Variants in PRKCSH observed in about 807,000 individuals in gnomAD.
The protein encoded by PRKCSH is PRKCSH beta subunit of glucosidase II, also known as glucosidase 2 subunit beta.
A neutral mutation model predicts 79.7 loss-of-function variants in PRKCSH; 42 were observed. The ratio of observed to expected loss-of-function variants is 0.53; its 90% confidence interval spans 0.41 to 0.68. PRKCSH has a LOEUF of 0.68. Among genes scored for constraint, PRKCSH ranks in the 30% least tolerant of loss-of-function variants. The pLI is 0.00. For missense variants in PRKCSH, 686 were observed against 709.0 expected (o/e 0.97, Z 0.37); for synonymous variants, 325 against 288.2 (o/e 1.13, Z -1.29).
At position 11,447,268 on chromosome 19, in the gene PRKCSH, G is replaced by A. The variant is rs930442627; in HGVS notation, c.849+108G>A. Reference sequence around the variant, plus strand: ...TGGCACCTGGCCACCCTGGCCAGCTGGGTGGCCCCAGCACCCCCCACCGAG... The same window carrying A: ...TGGCACCTGGCCACCCTGGCCAGCTAGGTGGCCCCAGCACCCCCCACCGAG... On this transcript the variant is annotated intron_variant, in intron 10 of 17. Transcript: ENST00000677123. The surrounding 1 kb of genome is among the most constrained non-coding windows in gnomAD (Gnocchi z 5.6). The A allele has an allele frequency of 3.7e-5, 52 of 1,419,504 alleles. No homozygotes were observed. The highest frequency in any genetic ancestry group is 4.9e-5 in the Non-Finnish European group (50 of 1,024,960). The allele number at this position is 1,419,504 out of a possible 1,614,324, so 87.9% of individuals were successfully genotyped here.
Position 11,448,480 on chromosome 19 carries a change from G to A in PRKCSH, c.1197-60G>A, listed in dbSNP as rs1203776570. 7.2e-6 allele frequency: 11 copies of A among 1,525,376 alleles called. No individual in the cohort carries two copies. Among genetic ancestry groups the A allele is most frequent in the African/African-American group, 1.4e-5 (1 of 73,028 alleles). The allele number at this position is 1,525,376 out of a possible 1,614,324, so 94.5% of individuals were successfully genotyped here. A position where few individuals can be genotyped will look rare whatever the true frequency, so the allele number is the denominator to read the frequency against. On this transcript the variant is annotated intron_variant, in intron 13 of 17. Transcript: ENST00000677123. This position sits in a 1 kb window ranked among gnomAD's most constrained non-coding sequence, Gnocchi z 4.4. ...TCAGCCAGACCCTCCTGTGTCTGTCGTCCTGGGTCAGGCACTGGCGTCCCC... is the reference window on the plus strand; with the variant it reads ...TCAGCCAGACCCTCCTGTGTCTGTCATCCTGGGTCAGGCACTGGCGTCCCC...
At chr19:11,444,721 G>A (rs758866470) in intron 7 of PRKCSH, among the ~76,000 whole-genome samples, 134 of 152,200 alleles carry the variant, frequency 8.8e-4, no homozygotes, top group Non-Finnish European at 8.4e-4. Flanking sequence ...ACAGAGGCTC[G>A]GTCCCCTTCT....
rs1448184449 is a variant in PRKCSH at position 11,448,224 on chromosome 19, G to T, written c.1129G>T (p.Ala377Ser). The T allele has an allele frequency of 1.3e-6, 2 of 1,557,864 alleles. No homozygotes were observed. Among genetic ancestry groups the T allele is most frequent in the East Asian group, 2.4e-5 (1 of 41,590 alleles). Residue 377 changes from alanine to serine, a missense_variant and splice_region_variant, in exon 13 of 18, where the codon GCC becomes TCC. Coordinates refer to ENST00000677123, the MANE Select transcript of PRKCSH (RefSeq NM_001289104.2). The surrounding 1 kb of genome is among the most constrained non-coding windows in gnomAD (Gnocchi z 4.4). Reference sequence around the variant, plus strand: ...CTGACCTCCAACCCCTCTCCCAGCTGCCCAGGAGGCCCGCAACAAGTTCGA... The same window carrying T: ...CTGACCTCCAACCCCTCTCCCAGCTTCCCAGGAGGCCCGCAACAAGTTCGA... ...DEQTQAFIDA[A>S]QEARNKFEEA...
Position 11,447,855 on chromosome 19 carries a change from C to G in PRKCSH, c.1126+66C>G. The G allele has an allele frequency of 2.7e-6, 4 of 1,467,504 alleles. No individual in the cohort carries two copies. Among genetic ancestry groups the G allele is most frequent in the South Asian group, 1.3e-5 (1 of 75,356 alleles). The allele number at this position is 1,467,504 out of a possible 1,614,324, so 90.9% of individuals were successfully genotyped here. A position where few individuals can be genotyped will look rare whatever the true frequency, so the allele number is the denominator to read the frequency against. On this transcript the variant is annotated intron_variant, in intron 12 of 17. Transcript: ENST00000677123. This position sits in a 1 kb window ranked among gnomAD's most constrained non-coding sequence, Gnocchi z 5.6. The stretch of plus-strand genomic sequence containing the variant: ...CGTTTCCTGCCGTGGTGGCACAGGT[C>G]GAGGGAAGATCCTGAGCTTAGACCC...
In PRKCSH at chr19:11,447,166, TGGA is replaced by T. The variant is rs1362844499; in HGVS notation, c.849+11_849+13del. The T allele has an allele frequency of 6.8e-6, 11 of 1,613,226 alleles. No individual in the cohort carries two copies. Among genetic ancestry groups the T allele is most frequent in the African/African-American group, 5.3e-5 (4 of 74,776 alleles). ...GGGACAAGTACCGGTCCGAGGTCAG[TGGA>T]GGAGAAGGGAGGGGACTTGGTCCTC... On this transcript the variant is annotated splice_region_variant and intron_variant, in intron 10 of 17. Coordinates refer to ENST00000677123, the MANE Select transcript of PRKCSH (RefSeq NM_001289104.2). The surrounding 1 kb of genome is among the most constrained non-coding windows in gnomAD (Gnocchi z 5.6).
At chr19:11,446,668 ATCC>A (rs1326646603) in intron 9 of PRKCSH, among the ~76,000 whole-genome samples, 1 of 125,594 alleles carries the variant, frequency 8.0e-6, no homozygotes, top group African/African-American at 3.1e-5. Context: ...CTCCTTTCCT[ATCC>A]TCCTCCTTCC....
At position 11,449,274 on chromosome 19, in the gene PRKCSH, C is replaced by G. The variant is rs533472516; in HGVS notation, c.1470C>G (p.Leu490=). 5.6e-6 allele frequency: 9 copies of G among 1,613,736 alleles called. No individual in the cohort carries two copies. The highest frequency in any genetic ancestry group is 2.2e-5 in the East Asian group (1 of 44,880). ...QGPNRSTTVR[L]LCGKETMVTS... ...CGTCTGCCCATCCCCAGGTGCGCCT[C>G]CTGTGCGGGAAAGAGACCATGGTGA... The change falls in exon 17 of 18, where the codon CTC becomes CTG. Residue 490 remains leucine (L), a synonymous_variant. Coordinates refer to ENST00000677123, the MANE Select transcript of PRKCSH (RefSeq NM_001289104.2). The surrounding 1 kb of genome is among the most constrained non-coding windows in gnomAD (Gnocchi z 6.4).
chr19:11,448,792 G>A lies in PRKCSH; in HGVS notation c.1287-122G>A. The A allele has an allele frequency of 7.2e-7, 1 of 1,390,202 alleles. No individual in the cohort carries two copies. Among genetic ancestry groups the A allele is most frequent in the Non-Finnish European group, 1.0e-6 (1 of 980,464 alleles). 86.1% of individuals were successfully genotyped at this position (1,390,202 alleles called of 1,614,324 possible). On this transcript the variant is annotated intron_variant, in intron 14 of 17. Transcript: ENST00000677123. This position sits in a 1 kb window ranked among gnomAD's most constrained non-coding sequence, Gnocchi z 4.4. ...GAGCAGAAGCCAGGGGCCAGGTTTAGGGTTGGTCATTGGAGTTGGAGGTAC... is the reference window on the plus strand; with the variant it reads ...GAGCAGAAGCCAGGGGCCAGGTTTAAGGTTGGTCATTGGAGTTGGAGGTAC...
intron 7 of PRKCSH, among the ~76,000 whole-genome samples, chr19:11,444,560 T>G (rs1490609540): frequency 6.6e-6 from 1 of 152,218 alleles, no homozygotes; most frequent in Non-Finnish European, 1.5e-5. Context: ...GCTGTTTTTA[T>G]TCTGTTTGTA....
intron 5 of PRKCSH, among the ~76,000 whole-genome samples, chr19:11,438,532 G>A (rs922676933): frequency 3.9e-5 from 6 of 151,956 alleles, no homozygotes; most frequent in East Asian, 1.9e-4. Context: ...TGAGGCAGGC[G>A]GATCACGAGG....
rs79260859 is a variant in PRKCSH, at chr19:11,449,195, G to T, written c.1461+20G>T. 790 of 1,613,654 alleles carry T rather than the reference G, an allele frequency of 4.9e-4. 22 individuals carry two copies. The East Asian group carries it at 0.018, about 36-fold the overall frequency. ...ACCACCGTGAGTGCCTGCAAGGCAG[G>T]GGAGCTGGGGCGGGGAGACCCAGGC... On this transcript the variant is annotated intron_variant, in intron 16 of 17. Transcript: ENST00000677123. This position sits in a 1 kb window ranked among gnomAD's most constrained non-coding sequence, Gnocchi z 6.4.
Position 11,447,773 on chromosome 19 carries a change from G to A in PRKCSH, c.1110G>A (p.Thr370=), listed in dbSNP as rs765490524. The A allele has an allele frequency of 7.6e-6, 12 of 1,583,356 alleles. No individual in the cohort carries two copies. The highest frequency in any genetic ancestry group is 7.2e-5 in the Admixed American group (4 of 55,560). Residue 370 remains threonine, a synonymous_variant, in exon 12 of 18, where the codon ACG becomes ACA. Transcript: ENST00000677123. This position sits in a 1 kb window ranked among gnomAD's most constrained non-coding sequence, Gnocchi z 5.6. ...EDKMPPYDEQ[T]QAFIDAAQEA... is the part of the protein sequence containing the mutation. Reference sequence around the variant, plus strand: ...AAATGCCGCCCTACGACGAGCAGACGCAGGCCTTCATCGATGGTGAGGGTG... The same window carrying A: ...AAATGCCGCCCTACGACGAGCAGACACAGGCCTTCATCGATGGTGAGGGTG...
At position 11,447,936 on chromosome 19, in the gene PRKCSH, C is replaced by G; in HGVS notation, c.1126+147C>G. The G allele has an allele frequency of 9.7e-7, 1 of 1,027,074 alleles. No individual in the cohort carries two copies. Among genetic ancestry groups the G allele is most frequent in the Non-Finnish European group, 1.4e-6 (1 of 719,642 alleles). The allele number at this position is 1,027,074 out of a possible 1,614,324, so 63.6% of individuals were successfully genotyped here. On this transcript the variant is annotated intron_variant, in intron 12 of 17. Transcript: ENST00000677123. This position sits in a 1 kb window ranked among gnomAD's most constrained non-coding sequence, Gnocchi z 5.6. ...ATCTTGGGGAGTCCAGGAAGGGGGC[C>G]TAGGGTAAGCCAGTCCCACCCTCGC...
At chr19:11,444,935 A>G (rs543713224) in intron 7 of PRKCSH, among the ~76,000 whole-genome samples, 1 of 144,622 alleles carries the variant, frequency 6.9e-6, no homozygotes, top group Non-Finnish European at 1.5e-5. Flanking sequence ...CCCACCTCCC[A>G]CCTCTGACCG....
At chr19:11,445,584 G>C (rs1222965033) in intron 8 of PRKCSH, 111 bp downstream of exon 8, 3 of 1,084,790 alleles carry the variant, frequency 2.8e-6, no homozygotes, top group Non-Finnish European at 4.1e-6. Flanking sequence ...CCCCGGCGTG[G>C]GGTCCAGGCT....
chr19:11,441,454 G>T, intron 6 of PRKCSH, 97 bp downstream of exon 6: 1 of 1,118,772 alleles, frequency 8.9e-7, no homozygotes. Context: ...CCTGACTGCT[G>T]TTCTGGGGCA....
intron 7 of PRKCSH, among the ~76,000 whole-genome samples, chr19:11,444,562 C>T (rs1970207223): frequency 6.6e-6 from 1 of 152,154 alleles, no homozygotes; most frequent in Non-Finnish European, 1.5e-5. Context: ...TGTTTTTATT[C>T]TGTTTGTAGA....
intron 6 of PRKCSH, among the ~76,000 whole-genome samples, chr19:11,441,989 G>T (rs894269963): frequency 9.9e-5 from 15 of 152,254 alleles, no homozygotes; most frequent in African/African-American, 3.6e-4. Flanking sequence ...GGAGGAGGAG[G>T]CCTCTATCTC....
intron 7 of PRKCSH, among the ~76,000 whole-genome samples, chr19:11,443,727 C>T (rs1269301840): frequency 3.9e-5 from 6 of 151,976 alleles, no homozygotes; most frequent in Non-Finnish European, 8.8e-5. Context: ...TAATAAAGAG[C>T]TTTTTCTATC....
Sources: gnomAD v4.1 joint callset for allele counts (sites outside exome capture counted in the v4.1 genomes callset) on GRCh38, gnomAD v4.1.1 for gene constraint, Gnocchi (gnomAD v3.1) non-coding constraint, MANE v1.5 for transcripts, NCBI Gene and HGNC (gene_info 2026-07-23, HGNC 2026-07-21) for gene names.